GPATCH2: variants seen among roughly 807,000 people sequenced by gnomAD.
The protein encoded by GPATCH2 is G patch domain-containing protein 2.
GPATCH2 carries 51 observed loss-of-function variants against 58.0 expected under a neutral mutation model. The ratio of observed to expected loss-of-function variants is 0.88; its 90% CI spans 0.70 to 1.11. The LOEUF (loss-of-function observed/expected upper bound fraction) is 1.11. Ranked by LOEUF, GPATCH2 falls within the 50% of genes most tolerant of loss-of-function variation. The pLI is 0.00. For missense variants in GPATCH2, 625 were observed against 652.2 expected (o/e 0.96, Z 0.45); for synonymous variants, 222 against 218.5 (o/e 1.02, Z -0.14).
intron 8 of GPATCH2, among the ~76,000 whole-genome samples, chr1:217,461,517 C>G (rs1396768627): frequency 6.6e-6 from 1 of 152,130 alleles, no homozygotes; most frequent in Non-Finnish European, 1.5e-5. Flanking sequence ...ACATGCCTTG[C>G]CATATCAGGT....
At chr1:217,511,801 T>TA (rs1662864264) in intron 6 of GPATCH2, among the ~76,000 whole-genome samples, 1 of 148,408 alleles carries the variant, frequency 6.7e-6, no homozygotes, top group African/African-American at 2.5e-5. Context: ...TCAACCTATG[T>TA]AACTTAACTG....
At chr1:217,468,672 A>G (rs528872205) in intron 8 of GPATCH2, among the ~76,000 whole-genome samples, 7 of 152,112 alleles carry the variant, frequency 4.6e-5, no homozygotes, top group Non-Finnish European at 8.8e-5. Context: ...AAATGTAAAT[A>G]TCAATTGCAT....
chr1:217,620,734 T>C (rs918601457), intron 1 of GPATCH2, among the ~76,000 whole-genome samples: 14 of 152,214 alleles, frequency 9.2e-5, no homozygotes, highest in African/African-American at 2.9e-4. Context: ...AATAAGCTTA[T>C]GAGCAATGAA....
At chr1:217,552,457 G>A (rs556303433) in intron 5 of GPATCH2, among the ~76,000 whole-genome samples, 1 of 152,130 alleles carries the variant, frequency 6.6e-6, no homozygotes, top group Non-Finnish European at 1.5e-5. Context: ...AAGCAGTAAA[G>A]GTAGTAGTAA....
chr1:217,564,467 G>C (rs1666106826), intron 5 of GPATCH2, among the ~76,000 whole-genome samples: 1 of 152,150 alleles, frequency 6.6e-6, no homozygotes, highest in Non-Finnish European at 1.5e-5. Flanking sequence ...CTTACCCCAA[G>C]TGAATGTTTC....
At chr1:217,450,230 G>A (rs1445979794) in intron 8 of GPATCH2, among the ~76,000 whole-genome samples, 1 of 151,988 alleles carries the variant, frequency 6.6e-6, no homozygotes, top group Non-Finnish European at 1.5e-5. Flanking sequence ...AGAAATAAAT[G>A]AAAGCATGTT....
intron 6 of GPATCH2, among the ~76,000 whole-genome samples, chr1:217,503,318 T>TG (rs1662394626): frequency 1.3e-5 from 2 of 152,058 alleles, no homozygotes; most frequent in Non-Finnish European, 2.9e-5. Flanking sequence ...TATAATATCA[T>TG]GGTAGGATGG....
At position 217,441,163 on chromosome 1, in the gene GPATCH2, G is replaced by A. The variant is rs528109452; in HGVS notation, c.1366+8086C>T. On this transcript the variant is annotated intron_variant, in intron 9 of 9. Coordinates refer to ENST00000366935, the MANE Select transcript of GPATCH2 (RefSeq NM_018040.5). ...GTACTGGTACTAACACAGATATATA[G>A]ACCAATGGAACAGAACAGAGGCCTC... Among the ~76,000 whole-genome samples, 8 of 152,220 alleles carry A rather than the reference G, an allele frequency of 5.3e-5. No individual in the cohort carries two copies. In the East Asian group the frequency reaches 1.5e-3, roughly 29 times the overall value.
At chr1:217,451,359 C>T (rs1659657432) in intron 8 of GPATCH2, among the ~76,000 whole-genome samples, 1 of 152,162 alleles carries the variant, frequency 6.6e-6, no homozygotes, top group Admixed American at 6.5e-5. Context: ...ATGGGAAATA[C>T]TTCTTAACTA....
chr1:217,511,733 C>A (rs1662859777), intron 6 of GPATCH2, among the ~76,000 whole-genome samples: 1 of 152,000 alleles, frequency 6.6e-6, no homozygotes, highest in Non-Finnish European at 1.5e-5. Flanking sequence ...AAGAGACAAG[C>A]TGAAGTAAAA....
intron 5 of GPATCH2, among the ~76,000 whole-genome samples, chr1:217,553,610 T>G (rs1425969058): frequency 6.6e-6 from 1 of 152,124 alleles, no homozygotes; most frequent in East Asian, 1.9e-4. Flanking sequence ...CCAACACAAT[T>G]TTTTGTATAG....
intron 5 of GPATCH2, among the ~76,000 whole-genome samples, chr1:217,534,978 T>C (rs1475557821): frequency 6.6e-6 from 1 of 152,200 alleles, no homozygotes; most frequent in African/African-American, 2.4e-5. Flanking sequence ...AAAAGGTCAA[T>C]AATAGTAAAA....
At chr1:217,498,221 G>T in intron 7 of GPATCH2, 135 bp downstream of exon 7, 1 of 790,110 alleles carries the variant, frequency 1.3e-6, no homozygotes, top group Non-Finnish European at 2.3e-6. Flanking sequence ...TTTAATCGTT[G>T]ACATAATTAA....
intron 5 of GPATCH2, among the ~76,000 whole-genome samples, chr1:217,558,221 T>C (rs945268048): frequency 3.3e-5 from 5 of 152,218 alleles, no homozygotes; most frequent in African/African-American, 1.2e-4. Context: ...TCACCTCATC[T>C]GTACAGTGTT....
chr1:217,559,873 GGA>G (rs59474147), intron 5 of GPATCH2, among the ~76,000 whole-genome samples: 3,153 of 142,584 alleles, frequency 0.022, 42 homozygotes, highest in Middle Eastern at 0.087. Context: ...AAATCCAGAG[GGA>G]GAGAGAGAGA....
intron 5 of GPATCH2, among the ~76,000 whole-genome samples, chr1:217,572,902 G>C (rs1571943469): frequency 6.6e-6 from 1 of 152,196 alleles, no homozygotes; most frequent in East Asian, 1.9e-4. Flanking sequence ...AGAAATCTTA[G>C]CAAAGAGTGT....
At chr1:217,434,933 T>C (rs1157363276) in intron 9 of GPATCH2, among the ~76,000 whole-genome samples, 2 of 152,168 alleles carry the variant, frequency 1.3e-5, no homozygotes, top group Non-Finnish European at 2.9e-5. Context: ...CAAAGCATTA[T>C]CTTGTACTCA....
intron 5 of GPATCH2, among the ~76,000 whole-genome samples, chr1:217,554,309 T>C (rs1665513510): frequency 1.3e-5 from 2 of 152,216 alleles, no homozygotes; most frequent in Admixed American, 1.3e-4. Context: ...CTGGAAATTA[T>C]GAGGTCACTA....
chr1:217,454,582 C>CT (rs796945912), intron 8 of GPATCH2, among the ~76,000 whole-genome samples: 104 of 83,898 alleles, frequency 1.2e-3, no homozygotes, highest in African/African-American at 4.5e-3. Context: ...GAGCGAGACT[C>CT]TGTCTCAAAA....
Sources: allele counts gnomAD v4.1 joint callset (sites outside exome capture counted in the v4.1 genomes callset), GRCh38; gene constraint gnomAD v4.1.1; transcripts MANE v1.5; gene names NCBI Gene and HGNC (gene_info 2026-07-23, HGNC 2026-07-21).